Variants in BBS12 observed in about 807,000 individuals in gnomAD.
BBS12 encodes Bardet-Biedl syndrome 12, also known as chaperonin-containing T-complex member BBS12.
A neutral mutation model predicts 5.6 loss-of-function variants in BBS12; 5 were observed. The ratio of observed to expected loss-of-function variants is 0.89; its 90% CI spans 0.46 to 1.86. The LOEUF (loss-of-function observed/expected upper bound fraction) is 1.86, where lower values mean the gene tolerates loss of function less well. Among genes scored for constraint, BBS12 ranks in the 40% most tolerant of loss-of-function variants. The pLI, the probability that BBS12 is intolerant of heterozygous loss-of-function variation, is 0.01. For missense variants in BBS12, 748 were observed against 830.4 expected (o/e 0.90, Z 1.22); for synonymous variants, 308 against 306.8 (o/e 1.00, Z -0.04).
chr4:122,743,290 C>T lies in BBS12; in HGVS notation c.1398C>T (p.Gly466=), dbSNP rs2292493. The change falls in exon 2 of 2, where the codon GGC becomes GGT. Residue 466 remains glycine (G), a synonymous_variant. Coordinates refer to ENST00000314218, the MANE Select transcript of BBS12 (RefSeq NM_152618.3). ...CACAAGTGAATGAAGATTGTGTGGG[C>T]GACGGGGTCTGCGTGACCTTCTGGA... ...YITQVNEDCV[G]DGVCVTFWRS... 0.13 allele frequency: 211,681 copies of T among 1,613,970 alleles called. 26,699 individuals are homozygous for T. Among genetic ancestry groups the T allele is most frequent in the East Asian group, 0.67 (29,957 of 44,870 alleles).
the BBS12 span, among the ~76,000 whole-genome samples, chr4:122,719,568 G>A: frequency 5.3e-5 from 8 of 152,062 alleles, no homozygotes; most frequent in Admixed American, 1.3e-4. Flanking sequence ...AAACAACTCC[G>A]GACGCACCAC....
the BBS12 span, among the ~76,000 whole-genome samples, chr4:122,716,701 GTATACATACACA>G: frequency 2.7e-5 from 3 of 110,576 alleles, no homozygotes; most frequent in African/African-American, 9.1e-5. Flanking sequence ...GTATGTGTGT[GTATACATACACA>G]TATGTGTGTA....
the BBS12 span, among the ~76,000 whole-genome samples, chr4:122,714,959 G>T: frequency 1.3e-5 from 2 of 151,766 alleles, no homozygotes; most frequent in African/African-American, 2.4e-5. Flanking sequence ...CAGAATTTTG[G>T]CTATTTTAAT....
At chr4:122,726,465 A>C in the BBS12 span, among the ~76,000 whole-genome samples, 1 of 152,208 alleles carries the variant, frequency 6.6e-6, no homozygotes, top group African/African-American at 2.4e-5. Context: ...CCACTTCTAC[A>C]CTGCTGGTGG....
chr4:122,743,225 T>C lies in BBS12; in HGVS notation c.1333T>C (p.Phe445Leu). ...GSVNGSVMQA[F>L]AEAAGAVQVA... ...AGTGAATGGCAGTGTGATGCAGGCT[T>C]TTGCAGAGGCTGCAGGAGCAGTACA... Residue 445 changes from phenylalanine (F) to leucine (L), a missense_variant, in exon 2 of 2, where the codon TTT becomes CTT. By Grantham distance (22) the Phe-to-Leu change is conservative. Transcript: ENST00000314218. The C allele has an allele frequency of 6.2e-7, 1 of 1,614,142 alleles. No homozygotes were observed. Among genetic ancestry groups the C allele is most frequent in the Non-Finnish European group, 8.5e-7 (1 of 1,180,032 alleles).
chr4:122,742,757 G>A lies in BBS12; in HGVS notation c.865G>A (p.Ala289Thr), dbSNP rs121918328. 1 of 1,614,222 alleles carries A rather than the reference G, an allele frequency of 6.2e-7. No homozygotes were observed. The highest frequency in any genetic ancestry group is 8.5e-7 in the Non-Finnish European group (1 of 1,180,028). ...DHSSMKLVEE[A>T]VQLQYQNACV... ...CAGCAGCATGAAGTTAGTAGAAGAA[G>A]CAGTACAGCTGCAATATCAGAATGC... The change falls in exon 2 of 2, where the codon GCA becomes ACA. Residue 289 changes from alanine to threonine, a missense_variant. Transcript: ENST00000314218.
In BBS12 at chr4:122,738,712, A is replaced by T. The variant is rs140731794; in HGVS notation, c.-10-3171A>T. ...TTAAATGGTCAAAAGACTTGAATAG[A>T]CATTTCTCCAAAAAAGATACACAAA... is the stretch of plus-strand genomic sequence containing the variant. On this transcript the variant is annotated intron_variant, in intron 1 of 1. Coordinates refer to ENST00000314218, the MANE Select transcript of BBS12 (RefSeq NM_152618.3). Among the ~76,000 whole-genome samples the T allele has an allele frequency of 3.7e-3, 567 of 152,348 alleles. 10 individuals carry two copies. Among genetic ancestry groups the T allele is most frequent in the African/African-American group, 0.012 (509 of 41,574 alleles).
At chr4:122,730,042 G>T (rs1456992641), upstream of BBS12, 1 of 152,194 alleles carries the variant, frequency 6.6e-6, no homozygotes, top group African/African-American at 2.4e-5. Context: ...CAAACTTACA[G>T]GGAAATATGG....
chr4:122,706,902 C>A, the BBS12 span, among the ~76,000 whole-genome samples: 2 of 152,104 alleles, frequency 1.3e-5, no homozygotes, highest in African/African-American at 4.8e-5. Flanking sequence ...TTAAACTTTT[C>A]TCTAACATTG....
chr4:122,737,961 A>G (rs1362344095), intron 1 of BBS12, among the ~76,000 whole-genome samples: 1 of 152,244 alleles, frequency 6.6e-6, no homozygotes, highest in East Asian at 1.9e-4. Context: ...GGACAATTGG[A>G]TATCCACATG....
the BBS12 span, among the ~76,000 whole-genome samples, chr4:122,720,208 T>C: frequency 2.8e-4 from 42 of 152,304 alleles, no homozygotes; most frequent in African/African-American, 9.9e-4. Context: ...CCCAGCACTT[T>C]GGGAGGCTGA....
intron 1 of BBS12, among the ~76,000 whole-genome samples, chr4:122,740,556 G>A (rs941211527): frequency 1.8e-4 from 27 of 152,168 alleles, no homozygotes; most frequent in African/African-American, 6.5e-4. Flanking sequence ...AGTTCCTTGA[G>A]GGCAGAGTAT....
chr4:122,717,035 G>A, the BBS12 span, among the ~76,000 whole-genome samples: 1 of 152,140 alleles, frequency 6.6e-6, no homozygotes, highest in Non-Finnish European at 1.5e-5. Context: ...CTCTAGTGGA[G>A]TGGCCTCCAT....
intron 1 of BBS12, among the ~76,000 whole-genome samples, chr4:122,733,462 C>T (rs1242625194): frequency 6.8e-6 from 1 of 146,882 alleles, no homozygotes; most frequent in African/African-American, 2.6e-5. Flanking sequence ...AAGATTTGGC[C>T]AGTTGTCAAC....
At chr4:122,700,843 T>C in the BBS12 span, among the ~76,000 whole-genome samples, 4 of 152,336 alleles carry the variant, frequency 2.6e-5, no homozygotes, top group African/African-American at 7.2e-5. Context: ...AGTTATGTAA[T>C]TTGATGCTTA....
At chr4:122,717,834 C>G in the BBS12 span, among the ~76,000 whole-genome samples, 1 of 152,132 alleles carries the variant, frequency 6.6e-6, no homozygotes, top group Non-Finnish European at 1.5e-5. Flanking sequence ...CACTTTTCTG[C>G]TTTTCTCCCC....
At chr4:122,733,645 C>A (rs1800739478) in intron 1 of BBS12, among the ~76,000 whole-genome samples, 6 of 152,062 alleles carry the variant, frequency 3.9e-5, no homozygotes, top group Admixed American at 3.9e-4. Flanking sequence ...CAGGAATCAG[C>A]TTAAAGGACA....
the BBS12 span, among the ~76,000 whole-genome samples, chr4:122,720,503 C>T: frequency 6.6e-6 from 1 of 151,982 alleles, no homozygotes; most frequent in Admixed American, 6.6e-5. Flanking sequence ...ATAATTTCAA[C>T]AAAGACCTGG....
the BBS12 span, among the ~76,000 whole-genome samples, chr4:122,702,599 C>T: frequency 6.6e-6 from 1 of 152,206 alleles, no homozygotes; most frequent in Admixed American, 6.5e-5. Context: ...TAAATGCCAT[C>T]AACTGGGCCT....
Sources: allele counts gnomAD v4.1 joint callset (sites outside exome capture counted in the v4.1 genomes callset), GRCh38; gene constraint gnomAD v4.1.1; transcripts MANE v1.5; gene names NCBI Gene and HGNC (gene_info 2026-07-23, HGNC 2026-07-21).